The following RIMS2 variants were observed in gnomAD, a reference collection of about 807,000 sequenced individuals.
The protein encoded by RIMS2 is regulating synaptic membrane exocytosis protein 2.
A neutral mutation model predicts 174.4 loss-of-function variants in RIMS2; 59 were observed. The ratio of observed to expected loss-of-function variants is 0.34; its 90% CI spans 0.27 to 0.42. RIMS2 has a LOEUF of 0.42. Among genes scored for constraint, RIMS2 ranks in the 10% least tolerant of loss-of-function variants. The pLI, the probability that RIMS2 is intolerant of heterozygous loss-of-function variation, is 1.00. For synonymous variants in RIMS2, 606 were observed against 572.5 expected (o/e 1.06, Z -0.84); for missense variants, 1,620 against 1,666.3 (o/e 0.97, Z 0.48).
intron 3 of RIMS2, among the ~76,000 whole-genome samples, chr8:103,844,225 C>T (rs1024936242): frequency 6.6e-6 from 1 of 152,140 alleles, no homozygotes; most frequent in African/African-American, 2.4e-5. Flanking sequence ...AATACATTTT[C>T]CTTTTAAAAC....
At chr8:103,947,028 G>C (rs1201583943) in intron 14 of RIMS2, among the ~76,000 whole-genome samples, 1 of 152,114 alleles carries the variant, frequency 6.6e-6, no homozygotes, top group Non-Finnish European at 1.5e-5. Flanking sequence ...TACTAATAAT[G>C]CTGTAACAAT....
At chr8:103,710,044 G>A (rs1171391524) in intron 2 of RIMS2, among the ~76,000 whole-genome samples, 4 of 151,934 alleles carry the variant, frequency 2.6e-5, no homozygotes, top group African/African-American at 9.7e-5. Flanking sequence ...AAAAGACTCT[G>A]GAATGTATTT....
intron 3 of RIMS2, among the ~76,000 whole-genome samples, chr8:103,788,090 C>T (rs1362953048): frequency 1.1e-4 from 16 of 150,622 alleles, no homozygotes; most frequent in East Asian, 3.9e-4. Context: ...GCATTCTTCA[C>T]GTAGTTCTCG....
At chr8:104,148,558 T>G (rs1279660791) in intron 19 of RIMS2, 49 bp from the exon 25 acceptor site, 2 of 1,524,096 alleles carry the variant, frequency 1.3e-6, no homozygotes, top group African/African-American at 2.8e-5. Context: ...ATTTTCTGTC[T>G]TTTCCTTTTT....
intron 19 of RIMS2, among the ~76,000 whole-genome samples, chr8:104,179,173 A>G (rs973381833): frequency 1.3e-5 from 2 of 152,046 alleles, no homozygotes; most frequent in African/African-American, 4.8e-5. Context: ...AGAATACCTC[A>G]GGTTAATCTA....
intron 19 of RIMS2, among the ~76,000 whole-genome samples, chr8:104,139,168 G>A (rs978208289): frequency 1.3e-5 from 2 of 152,058 alleles, no homozygotes; most frequent in Non-Finnish European, 2.9e-5. Flanking sequence ...GGTTAATATA[G>A]CTCTGTAGTA....
chr8:104,147,196 T>G (rs1356780856), intron 19 of RIMS2, among the ~76,000 whole-genome samples: 1 of 152,072 alleles, frequency 6.6e-6, no homozygotes, highest in East Asian at 1.9e-4. Context: ...TTCTCTTCTC[T>G]TCTCTTCTTT....
chr8:103,637,190 T>C (rs2096108067), intron 1 of RIMS2, among the ~76,000 whole-genome samples: 1 of 152,254 alleles, frequency 6.6e-6, no homozygotes, highest in South Asian at 2.1e-4. Context: ...CACTCTTCTT[T>C]CACTCCACCA....
chr8:103,685,262 C>T (rs1384046170), intron 1 of RIMS2, among the ~76,000 whole-genome samples: 2 of 152,038 alleles, frequency 1.3e-5, no homozygotes, highest in Non-Finnish European at 2.9e-5. Context: ...TCTGGTGGGG[C>T]CTCAGAAACC....
intron 19 of RIMS2, among the ~76,000 whole-genome samples, chr8:104,032,442 G>A (rs190614882): frequency 6.6e-6 from 1 of 152,008 alleles, no homozygotes; most frequent in Admixed American, 6.6e-5. Context: ...GTGAAAATCA[G>A]ACCTTGGCAA....
chr8:104,014,377 C>G, intron 18 of RIMS2, 129 bp from the exon 21 acceptor site: 1 of 534,362 alleles, frequency 1.9e-6, no homozygotes, highest in East Asian at 2.9e-5. Context: ...TCCAGTTTTC[C>G]TAACCTTTTA....
chr8:103,627,273 G>A (rs1181956747), intron 1 of RIMS2, among the ~76,000 whole-genome samples: 5 of 152,124 alleles, frequency 3.3e-5, no homozygotes, highest in Admixed American at 6.5e-5. Context: ...TATTCTGCCC[G>A]ACCCCGCAGG....
intron 1 of RIMS2, among the ~76,000 whole-genome samples, chr8:103,685,406 A>G (rs961497083): frequency 3.9e-5 from 6 of 152,290 alleles, no homozygotes; most frequent in Admixed American, 1.3e-4. Flanking sequence ...AACTCACTCT[A>G]TTAGCATGAG....
chr8:104,125,944 T>G (rs972453018), intron 19 of RIMS2, among the ~76,000 whole-genome samples: 3 of 152,140 alleles, frequency 2.0e-5, no homozygotes, highest in Non-Finnish European at 2.9e-5. Context: ...TTATGAGAAG[T>G]GAAGTTGTAA....
At chr8:103,686,590 C>A (rs2096942702) in intron 1 of RIMS2, among the ~76,000 whole-genome samples, 1 of 152,124 alleles carries the variant, frequency 6.6e-6, no homozygotes, top group Non-Finnish European at 1.5e-5. Flanking sequence ...GATTATATTG[C>A]TTGAATTTAA....
At chr8:103,599,264 C>T (rs1420188642) in intron 1 of RIMS2, among the ~76,000 whole-genome samples, 3 of 150,940 alleles carry the variant, frequency 2.0e-5, no homozygotes, top group Non-Finnish European at 4.4e-5. Context: ...TTTTATTCTC[C>T]GTTTTTACAA....
intron 19 of RIMS2, among the ~76,000 whole-genome samples, chr8:104,100,934 ATT>A (rs2097867570): frequency 9.0e-6 from 1 of 111,008 alleles, no homozygotes; most frequent in African/African-American, 4.4e-5. Context: ...TATGTGATAT[ATT>A]ATATATTATA....
intron 1 of RIMS2, among the ~76,000 whole-genome samples, chr8:103,685,884 G>A (rs1010642380): frequency 1.3e-5 from 2 of 152,068 alleles, no homozygotes; most frequent in African/African-American, 4.8e-5. Context: ...GTTTTATTGG[G>A]AATGGCATTG....
chr8:103,931,976 A>T (rs1453161192), intron 12 of RIMS2, among the ~76,000 whole-genome samples: 1 of 150,644 alleles, frequency 6.6e-6, no homozygotes, highest in Non-Finnish European at 1.5e-5. Context: ...TTCTACCCTT[A>T]TTTTTTTTTC....
Sources: gnomAD v4.1 joint callset for allele counts (sites outside exome capture counted in the v4.1 genomes callset) on GRCh38, gnomAD v4.1.1 for gene constraint, MANE v1.5 for transcripts, NCBI Gene and HGNC (gene_info 2026-07-23, HGNC 2026-07-21) for gene names.